The following CCDC73 variants were observed in gnomAD, a reference collection of about 807,000 sequenced individuals.
CCDC73 encodes coiled-coil domain containing 73, also known as coiled-coil domain-containing protein 73.
A neutral mutation model predicts 116.5 loss-of-function variants in CCDC73; 95 were observed. That is an observed-to-expected ratio of 0.82 (90% CI 0.69 to 0.97). CCDC73 has a LOEUF of 0.97. Ranked by LOEUF, CCDC73 falls within the 50% of genes least tolerant of loss-of-function variation. The probability of loss-of-function intolerance (pLI) is 0.00; values close to 1 mark genes in which losing one functional copy is unlikely to be tolerated. For synonymous variants in CCDC73, 398 were observed against 401.3 expected (o/e 0.99, Z 0.10); for missense variants, 1,066 against 1,206.8 (o/e 0.88, Z 1.73).
chr11:32,694,936 G>A (rs943796217), intron 6 of CCDC73, among the ~76,000 whole-genome samples: 1 of 152,192 alleles, frequency 6.6e-6, no homozygotes, highest in Non-Finnish European at 1.5e-5. Flanking sequence ...ACCGTGAAAG[G>A]GGGCTACCAA....
rs1855444195 is a variant in CCDC73, at chr11:32,613,720, T to G, written c.2598A>C (p.Ser866=). 6.2e-7 allele frequency: 1 copy of G among 1,614,126 alleles called. No homozygotes were observed. Among genetic ancestry groups the G allele is most frequent in the Non-Finnish European group, 8.5e-7 (1 of 1,179,994 alleles). ...KMFSEGQLEE[S]HSFHIEPSGD... Reference sequence around the variant, plus strand: ...CAGATGGCTCTATGTGAAATGAATGTGATTCCTCCAGCTGTCCTTCACTGA... The same window carrying G: ...CAGATGGCTCTATGTGAAATGAATGGGATTCCTCCAGCTGTCCTTCACTGA... The change falls in exon 16 of 18, where the codon TCA becomes TCC. Residue 866 remains serine (S), a synonymous_variant. Coordinates refer to ENST00000335185, the MANE Select transcript of CCDC73 (RefSeq NM_001008391.4).
intron 7 of CCDC73, chr11:32,681,312 A>T (rs959380273): frequency 3.3e-5 from 5 of 152,040 alleles, no homozygotes; most frequent in Non-Finnish European, 7.4e-5. Context: ...CACTAAACAC[A>T]GCAGGAAAAA....
chr11:32,715,081 C>T (rs185893153), intron 3 of CCDC73, among the ~76,000 whole-genome samples: 243 of 152,214 alleles, frequency 1.6e-3, no homozygotes, highest in Middle Eastern at 0.014. Flanking sequence ...CTAAAGATTG[C>T]AATGCTTTTA....
intron 3 of CCDC73, among the ~76,000 whole-genome samples, chr11:32,715,587 T>C (rs1849937761): frequency 1.3e-5 from 2 of 151,932 alleles, no homozygotes; most frequent in Admixed American, 1.3e-4. Context: ...ATTGATCACA[T>C]CCTAAATAAT....
Position 32,614,812 on chromosome 11 carries a change from G to A in CCDC73, c.1506C>T (p.Thr502=), listed in dbSNP as rs1275653060. ...ATTTTCTGTTGTCCGTAACATTCGAGGTTTGTCCTTGACTAATTACTTCTT... is the reference window on the plus strand; with the variant it reads ...ATTTTCTGTTGTCCGTAACATTCGAAGTTTGTCCTTGACTAATTACTTCTT... The part of the protein sequence containing the change: ...LDKEVISQGQ[T]SNVTDNRKSV... The change falls in exon 16 of 18, where the codon ACC becomes ACT. Residue 502 remains threonine, a synonymous_variant. Transcript: ENST00000335185. 4.3e-6 allele frequency: 7 copies of A among 1,613,088 alleles called. No homozygotes were observed. The highest frequency in any genetic ancestry group is 5.9e-6 in the Non-Finnish European group (7 of 1,179,610).
At chr11:32,784,945 A>T (rs1259183430) in intron 1 of CCDC73, among the ~76,000 whole-genome samples, 2 of 152,162 alleles carry the variant, frequency 1.3e-5, no homozygotes, top group Non-Finnish European at 2.9e-5. Flanking sequence ...ATGCCAAGGC[A>T]GGCGGATCAT....
intron 9 of CCDC73, among the ~76,000 whole-genome samples, chr11:32,666,989 C>T (rs550355966): frequency 1.3e-5 from 2 of 152,302 alleles, no homozygotes; most frequent in East Asian, 1.9e-4. Flanking sequence ...CGCTCAACAG[C>T]AAATGTTGCT....
At chr11:32,708,179 G>A (rs912230608) in intron 3 of CCDC73, among the ~76,000 whole-genome samples, 12 of 152,074 alleles carry the variant, frequency 7.9e-5, no homozygotes, top group African/African-American at 2.7e-4. Flanking sequence ...TTCACTTTAT[G>A]TTTTCATTTG....
At position 32,614,220 on chromosome 11, in the gene CCDC73, CAGTT is replaced by C. The variant is rs755440048; in HGVS notation, c.2094_2097del (p.Thr699PhefsTer5). 7 of 1,613,672 alleles carry C rather than the reference CAGTT, an allele frequency of 4.3e-6. No individual in the cohort carries two copies. Among genetic ancestry groups the C allele is most frequent in the African/African-American group, 1.3e-5 (1 of 74,890 alleles). On this transcript the variant is annotated frameshift_variant, in exon 16 of 18. Transcript: ENST00000335185. LOFTEE classifies it high-confidence loss of function. ...TGGTCGATTACTATATCACAGGGAACAGTTAGTTCAGATTTCTCTAAAGTATCAT... is the reference window on the plus strand; with the variant it reads ...TGGTCGATTACTATATCACAGGGAACAGTTCAGATTTCTCTAAAGTATCAT...
the CCDC73 span, among the ~76,000 whole-genome samples, chr11:32,804,155 T>G: frequency 2.0e-5 from 3 of 152,116 alleles, 1 homozygote; most frequent in Middle Eastern, 6.8e-3. Flanking sequence ...TTCGTTTTTT[T>G]TGAGACAATA....
rs573894776 is a variant in CCDC73, at chr11:32,631,594, AAAGG to A, written c.1185+4098_1185+4101del. On this transcript the variant is annotated intron_variant, in intron 14 of 17. Coordinates refer to ENST00000335185, the MANE Select transcript of CCDC73 (RefSeq NM_001008391.4). ...CATCAGGAAAGGAAGGAAAGGAAGG[AAAGG>A]AAGGAAAGGAAGGGAAGGGAAGGGA... Among the ~76,000 whole-genome samples the A allele has an allele frequency of 4.4e-4, 66 of 151,152 alleles. No homozygotes were observed. In the South Asian group the frequency reaches 0.014, roughly 31 times the overall value.
chr11:32,670,911 C>T (rs547404724), intron 9 of CCDC73, among the ~76,000 whole-genome samples: 1 of 152,178 alleles, frequency 6.6e-6, no homozygotes, highest in African/African-American at 2.4e-5. Flanking sequence ...TAATTTCTTA[C>T]ATCTTTCTTT....
chr11:32,729,360 T>C (rs190376519), intron 2 of CCDC73, among the ~76,000 whole-genome samples: 11 of 152,364 alleles, frequency 7.2e-5, no homozygotes, highest in Admixed American at 7.2e-4. Flanking sequence ...TCGTTCCTTT[T>C]TATGGCTGCA....
chr11:32,773,599 G>C lies in CCDC73; in HGVS notation c.-15-13341C>G, dbSNP rs185212522. Among the ~76,000 whole-genome samples the C allele has an allele frequency of 5.3e-3, 802 of 151,978 alleles. 5 individuals carry two copies. Among genetic ancestry groups the C allele is most frequent in the Non-Finnish European group, 6.6e-3 (446 of 67,972 alleles). The stretch of plus-strand genomic sequence containing the variant: ...GTTCAAGACAAGCCTGGGAAATACA[G>C]TGAGACCCCCATCTTCACAAACACA... On this transcript the variant is annotated intron_variant, in intron 1 of 17. Transcript: ENST00000335185.
intron 1 of CCDC73, among the ~76,000 whole-genome samples, chr11:32,764,539 A>C (rs1420507988): frequency 1.3e-5 from 2 of 152,202 alleles, no homozygotes; most frequent in African/African-American, 4.8e-5. Context: ...GGAGAAATAA[A>C]ATACTTTACA....
At chr11:32,807,871 C>T in the CCDC73 span, among the ~76,000 whole-genome samples, 1 of 152,162 alleles carries the variant, frequency 6.6e-6, no homozygotes, top group Non-Finnish European at 1.5e-5. Flanking sequence ...AGTTTGCCCA[C>T]CCTGACCGAG....
chr11:32,792,284 T>C lies in CCDC73; in HGVS notation c.-16+2329A>G, dbSNP rs538534474. 1.1e-3 allele frequency among the ~76,000 whole-genome samples: 168 copies of C among 151,994 alleles called. 5 individuals carry two copies. The South Asian group carries it at 0.034, about 31-fold the overall frequency. ...CAGAATTTTTTTTTTAATGAAAGGC[T>C]AGACTAGTAAAAAATAAAATAAAAA... On this transcript the variant is annotated intron_variant, in intron 1 of 17. Coordinates refer to ENST00000335185, the MANE Select transcript of CCDC73 (RefSeq NM_001008391.4).
chr11:32,644,495 T>A (rs563502379), intron 12 of CCDC73, among the ~76,000 whole-genome samples: 1 of 152,208 alleles, frequency 6.6e-6, no homozygotes, highest in African/African-American at 2.4e-5. Context: ...ATATGTAACA[T>A]AAAATTTACC....
intron 2 of CCDC73, among the ~76,000 whole-genome samples, chr11:32,734,231 G>A (rs1206606996): frequency 6.6e-6 from 1 of 152,014 alleles, no homozygotes; most frequent in African/African-American, 2.4e-5. Context: ...GGAAGAAATT[G>A]ATCTCTGAAT....
Sources: gnomAD v4.1 joint callset for allele counts (sites outside exome capture counted in the v4.1 genomes callset) on GRCh38, gnomAD v4.1.1 for gene constraint, MANE v1.5 for transcripts, NCBI Gene and HGNC (gene_info 2026-07-23, HGNC 2026-07-21) for gene names.